Variants in SUMF1 observed in about 807,000 individuals in gnomAD.
SUMF1 encodes the protein sulfatase modifying factor 1.
In SUMF1, 48 loss-of-function variants were observed where a neutral mutation model predicts 47.6. That is an observed-to-expected ratio of 1.01 (90% confidence interval 0.80 to 1.28). SUMF1 has a LOEUF of 1.28. Among genes scored for constraint, SUMF1 ranks in the 50% most tolerant of loss-of-function variants. The probability of loss-of-function intolerance (pLI) is 0.00; values close to 1 mark genes in which losing one functional copy is unlikely to be tolerated. For missense variants in SUMF1, 571 were observed against 485.4 expected (o/e 1.18, Z -1.66); for synonymous variants, 230 against 192.1 (o/e 1.20, Z -1.63).
In SUMF1 at chr3:4,135,045, A is replaced by C. The variant is rs554597086; in HGVS notation, c.1015-66300T>G. On this transcript the variant is annotated intron_variant and NMD_transcript_variant, in intron 8 of 12. Coordinates refer to the SUMF1 transcript ENST00000448413. ...CACAGCCGAATTCTACCAGAGGTAC[A>C]CGGAGGAGCTGGTACCATGCCTTCT... is the stretch of plus-strand genomic sequence containing the variant. Among the ~76,000 whole-genome samples, 4 of 152,284 alleles carry C rather than the reference A, an allele frequency of 2.6e-5. No homozygotes were observed. The South Asian group carries it at 6.2e-4, about 24-fold the overall frequency.
intron 8 of SUMF1, among the ~76,000 whole-genome samples, chr3:4,285,043 A>G (rs1697605036): frequency 6.6e-6 from 1 of 152,164 alleles, no homozygotes; most frequent in Non-Finnish European, 1.5e-5. Context: ...TCTGTTTCTC[A>G]GTAGAAACTA....
At chr3:4,296,189 C>T (rs1220790093) in intron 8 of SUMF1, among the ~76,000 whole-genome samples, 1 of 151,064 alleles carries the variant, frequency 6.6e-6, no homozygotes, top group Non-Finnish European at 1.5e-5. Context: ...GTATTATTAT[C>T]CCTTCCACCA....
At chr3:4,103,507 G>T (rs1216412008) in intron 8 of SUMF1, among the ~76,000 whole-genome samples, 1 of 152,046 alleles carries the variant, frequency 6.6e-6, no homozygotes, top group Admixed American at 6.6e-5. Flanking sequence ...AAGCAAAAAT[G>T]AAAGAGGATG....
intron 8 of SUMF1, among the ~76,000 whole-genome samples, chr3:4,301,308 G>C (rs984274569): frequency 6.6e-6 from 1 of 152,176 alleles, no homozygotes; most frequent in Non-Finnish European, 1.5e-5. Flanking sequence ...GGTTCCAACA[G>C]AGAACAGCAG....
chr3:4,184,999 G>A (rs192904181), intron 8 of SUMF1, among the ~76,000 whole-genome samples: 21 of 152,160 alleles, frequency 1.4e-4, no homozygotes, highest in Admixed American at 3.3e-4. Context: ...ACTCCTCTCC[G>A]ATTTAAAATA....
intron 8 of SUMF1, among the ~76,000 whole-genome samples, chr3:4,267,188 T>C: frequency 6.6e-6 from 1 of 152,114 alleles, no homozygotes; most frequent in Non-Finnish European, 1.5e-5. Flanking sequence ...AAAATTCTCT[T>C]TTTTGGTTGT....
At chr3:4,255,904 TAACA>T (rs1376315028) in intron 8 of SUMF1, among the ~76,000 whole-genome samples, 4 of 107,738 alleles carry the variant, frequency 3.7e-5, no homozygotes, top group Non-Finnish European at 5.6e-5. Flanking sequence ...ACAGAAATTA[TAACA>T]AACTATCTCT....
chr3:4,043,306 C>T (rs1377586567), intron 9 of SUMF1, among the ~76,000 whole-genome samples: 1 of 152,150 alleles, frequency 6.6e-6, no homozygotes, highest in African/African-American at 2.4e-5. Context: ...GCCCACACAT[C>T]TCTAAATTGT....
intron 8 of SUMF1, among the ~76,000 whole-genome samples, chr3:4,161,454 A>G (rs1694574919): frequency 6.6e-6 from 1 of 152,094 alleles, no homozygotes; most frequent in Admixed American, 6.5e-5. Flanking sequence ...CTGGAGTTGG[A>G]AACCTTAGAA....
rs1368261662 is a variant in SUMF1, at chr3:4,326,657, A to G, written c.1014+49673T>C. Among the ~76,000 whole-genome samples the G allele has an allele frequency of 7.2e-5, 11 of 151,852 alleles. 1 individual carries two copies. Among genetic ancestry groups the G allele is most frequent in the Admixed American group, 7.2e-4 (11 of 15,232 alleles). The stretch of plus-strand genomic sequence containing the variant: ...CTCAGCTTCCTGAGTAGCTCGGACT[A>G]CAGATGCATGCCACCATAACCAGAT... On this transcript the variant is annotated intron_variant and NMD_transcript_variant, in intron 8 of 12. Coordinates refer to the SUMF1 transcript ENST00000448413.
Position 4,453,042 on chromosome 3 carries a change from G to A in SUMF1, c.278C>T (p.Pro93Leu), listed in dbSNP as rs1311103815. ...CATTGTAAATACTCCAGCAGGGATG[G>A]GGACCATCTACAATGAAAGGTGAAA... ...ERQLAHSKMV[P>L]IPAGVFTMGT... is the part of the protein sequence containing the mutation. The change falls in exon 2 of 9, where the codon CCC becomes CTC. Residue 93 changes from proline (P) to leucine (L), a missense_variant. Transcript: ENST00000272902. 6.2e-7 allele frequency: 1 copy of A among 1,612,770 alleles called. No homozygotes were observed. Among genetic ancestry groups the A allele is most frequent in the African/African-American group, 1.3e-5 (1 of 74,900 alleles).
chr3:4,161,169 CCAGA>C (rs1422514839), intron 8 of SUMF1, among the ~76,000 whole-genome samples: 1 of 151,874 alleles, frequency 6.6e-6, no homozygotes, highest in Non-Finnish European at 1.5e-5. Flanking sequence ...TTACTTTCTC[CCAGA>C]CAAACGGAGT....
intron 3 of SUMF1, among the ~76,000 whole-genome samples, chr3:4,434,513 T>A (rs1236961627): frequency 6.6e-6 from 1 of 152,180 alleles, no homozygotes; most frequent in African/African-American, 2.4e-5. Flanking sequence ...TTCAATTATA[T>A]CAAGCAAAGA....
At chr3:4,430,795 G>GTT (rs1702209677) in intron 3 of SUMF1, among the ~76,000 whole-genome samples, 1 of 152,144 alleles carries the variant, frequency 6.6e-6, no homozygotes, top group South Asian at 2.1e-4. Context: ...AGTCAGGGGG[G>GTT]TGATGCCCTG....
intron 1 of SUMF1, among the ~76,000 whole-genome samples, chr3:4,466,164 T>A (rs942086511): frequency 6.6e-6 from 1 of 151,950 alleles, no homozygotes. Context: ...CAGGCTGGAG[T>A]GCAGTGGCAA....
At chr3:4,196,605 G>A (rs988867443) in intron 8 of SUMF1, among the ~76,000 whole-genome samples, 2 of 152,076 alleles carry the variant, frequency 1.3e-5, no homozygotes, top group African/African-American at 2.4e-5. Flanking sequence ...AGCTCTCCTT[G>A]TCAGAGACCT....
intron 7 of SUMF1, among the ~76,000 whole-genome samples, chr3:4,403,821 C>T (rs1701290263): frequency 6.6e-6 from 1 of 152,116 alleles, no homozygotes; most frequent in African/African-American, 2.4e-5. Flanking sequence ...AGAAGGAATT[C>T]CCACAGGGGG....
intron 8 of SUMF1, among the ~76,000 whole-genome samples, chr3:4,195,946 T>C (rs1014480618): frequency 6.6e-6 from 1 of 152,094 alleles, no homozygotes; most frequent in Non-Finnish European, 1.5e-5. Context: ...GGAAACAGTA[T>C]GGTGGGAAAG....
intron 8 of SUMF1, among the ~76,000 whole-genome samples, chr3:4,315,726 C>A (rs1698610173): frequency 6.6e-6 from 1 of 152,038 alleles, no homozygotes; most frequent in Non-Finnish European, 1.5e-5. Context: ...GATAAAATAA[C>A]ATTTTTATAA....
Sources: allele counts gnomAD v4.1 joint callset (sites outside exome capture counted in the v4.1 genomes callset), GRCh38; gene constraint gnomAD v4.1.1; transcripts MANE v1.5; gene names NCBI Gene and HGNC (gene_info 2026-07-23, HGNC 2026-07-21).